Variants in OLFM3 observed in about 807,000 individuals in gnomAD.
OLFM3 encodes the protein noelin-3.
In OLFM3, 20 loss-of-function variants were observed where a neutral mutation model predicts 48.6. The observed-to-expected ratio is 0.41, with a 90% CI of 0.29 to 0.60. The LOEUF is 0.60. Ranked by LOEUF, OLFM3 falls within the 20% of genes least tolerant of loss-of-function variation. OLFM3 has a pLI of 0.28. For synonymous variants in OLFM3, 222 were observed against 198.1 expected (o/e 1.12, Z -1.01); for missense variants, 437 against 544.3 (o/e 0.80, Z 1.96).
At chr1:101,937,826 A>C (rs1048971140) in intron 1 of OLFM3, among the ~76,000 whole-genome samples, 2 of 152,200 alleles carry the variant, frequency 1.3e-5, no homozygotes, top group Admixed American at 1.3e-4. Flanking sequence ...CATATACAAC[A>C]TCTGGTTCTC....
intron 1 of OLFM3, among the ~76,000 whole-genome samples, chr1:101,877,970 G>C (rs933416035): frequency 6.6e-6 from 1 of 151,640 alleles, no homozygotes; most frequent in African/African-American, 2.4e-5. Context: ...TGTATGGCTG[G>C]TGGCATCACC....
At chr1:101,946,334 C>G (rs114778259) in intron 1 of OLFM3, among the ~76,000 whole-genome samples, 95 of 152,228 alleles carry the variant, frequency 6.2e-4, no homozygotes, top group African/African-American at 2.1e-3. Flanking sequence ...CACGAGAATC[C>G]TTTGAAAATC....
intron 1 of OLFM3, among the ~76,000 whole-genome samples, chr1:101,926,260 A>G (rs1659267484): frequency 6.6e-6 from 1 of 152,168 alleles, no homozygotes; most frequent in South Asian, 2.1e-4. Flanking sequence ...TTTCTACGGC[A>G]ACAGAGATGG....
At chr1:101,916,643 T>C (rs1394751194) in intron 1 of OLFM3, among the ~76,000 whole-genome samples, 1 of 152,208 alleles carries the variant, frequency 6.6e-6, no homozygotes, top group Non-Finnish European at 1.5e-5. Flanking sequence ...AGTATTTTAA[T>C]CTCACTTTGC....
intron 1 of OLFM3, among the ~76,000 whole-genome samples, chr1:101,886,865 A>AC (rs1657780891): frequency 6.6e-6 from 1 of 152,112 alleles, no homozygotes; most frequent in Admixed American, 6.6e-5. Context: ...TATTCATTAA[A>AC]CATTTATTAA....
intron 1 of OLFM3, among the ~76,000 whole-genome samples, chr1:101,887,643 T>C (rs1205237475): frequency 6.6e-6 from 1 of 152,076 alleles, no homozygotes; most frequent in African/African-American, 2.4e-5. Flanking sequence ...CAAGTAGTAA[T>C]ATAATCATCT....
intron 1 of OLFM3, among the ~76,000 whole-genome samples, chr1:101,957,470 G>A (rs1660332761): frequency 1.3e-5 from 2 of 151,908 alleles, no homozygotes; most frequent in Non-Finnish European, 1.5e-5. Context: ...AAAGATATTT[G>A]GAAGGCAAAA....
chr1:101,864,962 TCTTAA>T (rs1305415578), intron 1 of OLFM3, among the ~76,000 whole-genome samples: 5 of 152,218 alleles, frequency 3.3e-5, no homozygotes, highest in African/African-American at 1.2e-4. Context: ...TCTGCCCTCA[TCTTAA>T]TGACTTCTAG....
At chr1:101,821,055 A>T (rs1170142135) in intron 4 of OLFM3, among the ~76,000 whole-genome samples, 1 of 151,986 alleles carries the variant, frequency 6.6e-6, no homozygotes, top group Non-Finnish European at 1.5e-5. Flanking sequence ...TGAACCCCTG[A>T]TATGCTTTTC....
intron 1 of OLFM3, among the ~76,000 whole-genome samples, chr1:101,843,738 C>A (rs1655846214): frequency 6.6e-6 from 1 of 152,160 alleles, no homozygotes; most frequent in South Asian, 2.1e-4. Flanking sequence ...ATTTAATTGC[C>A]ATTTAATGAT....
chr1:101,975,304 G>A (rs893283554), intron 1 of OLFM3, among the ~76,000 whole-genome samples: 1 of 152,098 alleles, frequency 6.6e-6, no homozygotes, highest in African/African-American at 2.4e-5. Flanking sequence ...TCACACACAT[G>A]CATTTAGTTT....
In OLFM3 at chr1:101,836,947, C is replaced by A. The variant is rs1220602393; in HGVS notation, c.148G>T (p.Val50Phe). 7 of 1,614,124 alleles carry A rather than the reference C, an allele frequency of 4.3e-6. No individual in the cohort carries two copies. The highest frequency in any genetic ancestry group is 5.9e-6 in the Non-Finnish European group (7 of 1,179,998). Reference protein sequence around the residue: ...DPDGRCICTVVAPEQNLCSRD... With the variant: ...DPDGRCICTVFAPEQNLCSRD... Reference sequence around the variant, plus strand: ...GAACACAGGTTTTGTTCTGGAGCAACAACTGTGCAAATGCACCGCCCATCA... The same window carrying A: ...GAACACAGGTTTTGTTCTGGAGCAAAAACTGTGCAAATGCACCGCCCATCA... The change falls in exon 2 of 6, where the codon GTT (valine) becomes TTT (phenylalanine). Residue 50 changes from valine to phenylalanine, a missense_variant. Physicochemically the swap from Val to Phe is conservative, Grantham distance 50 (BLOSUM62 -1). Around this residue, in one of 3 missense-constraint regions of OLFM3, gnomAD observed 314 missense variants for 365.5 expected, o/e 0.86. Coordinates refer to ENST00000370103, the MANE Select transcript of OLFM3 (RefSeq NM_058170.4).
At chr1:101,958,452 T>C (rs1455063627) in intron 1 of OLFM3, among the ~76,000 whole-genome samples, 2 of 152,094 alleles carry the variant, frequency 1.3e-5, no homozygotes, top group Non-Finnish European at 2.9e-5. Flanking sequence ...TCATATAATT[T>C]ATTAGTGTTG....
intron 1 of OLFM3, among the ~76,000 whole-genome samples, chr1:101,843,601 C>T (rs1398512904): frequency 6.6e-6 from 1 of 152,174 alleles, no homozygotes; most frequent in African/African-American, 2.4e-5. Flanking sequence ...CAAGAAGGAG[C>T]TTATTCCCCT....
chr1:101,961,358 A>T (rs776580977), intron 1 of OLFM3, among the ~76,000 whole-genome samples: 1 of 152,034 alleles, frequency 6.6e-6, no homozygotes, highest in Non-Finnish European at 1.5e-5. Context: ...TTTAAAATAG[A>T]TACTGTATTT....
chr1:101,836,938 C>T lies in OLFM3; in HGVS notation c.157G>A (p.Glu53Lys). ...GCATCCCGGGAACACAGGTTTTGTTCTGGAGCAACAACTGTGCAAATGCAC... is the reference window on the plus strand; with the variant it reads ...GCATCCCGGGAACACAGGTTTTGTTTTGGAGCAACAACTGTGCAAATGCAC... ...GRCICTVVAP[E>K]QNLCSRDAKS... Residue 53 changes from glutamate to lysine, a missense_variant, in exon 2 of 6, where the codon GAA becomes AAA. Physicochemically the swap from Glu to Lys is moderately conservative, Grantham distance 56. Around this residue, in one of 3 missense-constraint regions of OLFM3, gnomAD observed 314 missense variants for 365.5 expected, o/e 0.86. Coordinates refer to ENST00000370103, the MANE Select transcript of OLFM3 (RefSeq NM_058170.4). The T allele has an allele frequency of 1.2e-6, 2 of 1,614,122 alleles. No homozygotes were observed. Among genetic ancestry groups the T allele is most frequent in the Non-Finnish European group, 1.7e-6 (2 of 1,180,014 alleles).
intron 1 of OLFM3, among the ~76,000 whole-genome samples, chr1:101,862,497 T>A (rs544415539): frequency 6.6e-6 from 1 of 152,294 alleles, no homozygotes; most frequent in Non-Finnish European, 1.5e-5. Flanking sequence ...TATACCATAA[T>A]AAGACAGGAT....
chr1:101,831,086 A>T (rs887351632), intron 2 of OLFM3, among the ~76,000 whole-genome samples: 2 of 152,240 alleles, frequency 1.3e-5, no homozygotes, highest in African/African-American at 4.8e-5. Flanking sequence ...TGGGCTTAAT[A>T]CATTAGAAAA....
chr1:101,815,449 A>T (rs1654287400), intron 4 of OLFM3, among the ~76,000 whole-genome samples: 1 of 106,146 alleles, frequency 9.4e-6, no homozygotes, highest in Non-Finnish European at 2.1e-5. Context: ...TCCGTCTCAA[A>T]AAAAGAAAAA....
Sources: allele counts gnomAD v4.1 joint callset (sites outside exome capture counted in the v4.1 genomes callset), GRCh38; gene constraint gnomAD v4.1.1; regional missense constraint gnomAD v4.1.1; transcripts MANE v1.5; gene names NCBI Gene and HGNC (gene_info 2026-07-23, HGNC 2026-07-21).